ASIC2: variants seen among roughly 807,000 people sequenced by gnomAD.
ASIC2 encodes the protein acid sensing ion channel subunit 2.
ASIC2 carries 25 observed loss-of-function variants against 57.3 expected under a neutral mutation model. The ratio of observed to expected loss-of-function variants is 0.44; its 90% confidence interval spans 0.32 to 0.61. The LOEUF is 0.61. ASIC2 is among the 20% of genes least tolerant of loss of function. ASIC2 has a pLI of 0.06. For missense variants in ASIC2, 641 were observed against 738.1 expected (o/e 0.87, Z 1.52); for synonymous variants, 319 against 307.5 (o/e 1.04, Z -0.39).
chr17:33,333,356 C>T (rs1369707374), intron 1 of ASIC2, among the ~76,000 whole-genome samples: 1 of 152,158 alleles, frequency 6.6e-6, no homozygotes, highest in Admixed American at 6.5e-5. Context: ...TCCAGATGTC[C>T]AGTGTTCATA....
intron 1 of ASIC2, among the ~76,000 whole-genome samples, chr17:33,852,006 G>A (rs1169904834): frequency 2.6e-5 from 4 of 152,204 alleles, no homozygotes; most frequent in African/African-American, 7.2e-5. Context: ...CGGATGAAAG[G>A]GACCATTCCG....
chr17:33,433,620 T>C (rs1282019960), intron 1 of ASIC2, among the ~76,000 whole-genome samples: 1 of 151,952 alleles, frequency 6.6e-6, no homozygotes, highest in African/African-American at 2.4e-5. Flanking sequence ...CGTGGTGGTG[T>C]GTGCCTGTAG....
intron 1 of ASIC2, among the ~76,000 whole-genome samples, chr17:33,863,502 G>C (rs1342181844): frequency 6.6e-6 from 1 of 152,332 alleles, no homozygotes; most frequent in Admixed American, 6.5e-5. Flanking sequence ...GACTCTGGAA[G>C]CATTAAGCAG....
intron 1 of ASIC2, among the ~76,000 whole-genome samples, chr17:33,553,880 T>C (rs1161157093): frequency 6.6e-6 from 1 of 152,214 alleles, no homozygotes; most frequent in Non-Finnish European, 1.5e-5. Flanking sequence ...TGAAGCACTT[T>C]GTAAAGCAGA....
intron 1 of ASIC2, among the ~76,000 whole-genome samples, chr17:33,732,768 G>A (rs1327845386): frequency 6.6e-6 from 1 of 152,132 alleles, no homozygotes; most frequent in Non-Finnish European, 1.5e-5. Flanking sequence ...CTTCTGAGTA[G>A]CTGGGACTAC....
At position 33,411,417 on chromosome 17, in the gene ASIC2, A is replaced by T. The variant is rs536762444; in HGVS notation, c.556-299350T>A. On this transcript the variant is annotated intron_variant, in intron 1 of 9. Transcript: ENST00000359872. ...GCCAGATTTCCAGAACTGGACTGTC[A>T]TTATGTCAATCTGATGTTAATTTAA... Among the ~76,000 whole-genome samples, 3 of 152,224 alleles carry T rather than the reference A, an allele frequency of 2.0e-5. No homozygotes were observed. In the South Asian group the frequency reaches 6.2e-4, roughly 32 times the overall value.
intron 1 of ASIC2, among the ~76,000 whole-genome samples, chr17:33,956,839 C>T (rs1473447611): frequency 2.0e-5 from 3 of 152,224 alleles, no homozygotes; most frequent in Admixed American, 6.5e-5. Flanking sequence ...GATGAGCCTG[C>T]TCCTTTTGGT....
chr17:33,226,526 G>A (rs1288683177), intron 1 of ASIC2, among the ~76,000 whole-genome samples: 5 of 152,178 alleles, frequency 3.3e-5, no homozygotes, highest in African/African-American at 4.8e-5. Flanking sequence ...AAGGAAAAGA[G>A]GTTATGAATG....
chr17:33,997,757 C>A (rs976795557), intron 1 of ASIC2, among the ~76,000 whole-genome samples: 1 of 150,970 alleles, frequency 6.6e-6, no homozygotes, highest in Non-Finnish European at 1.5e-5. Context: ...TTCTGAGGTG[C>A]TGTTGAATTT....
intron 1 of ASIC2, among the ~76,000 whole-genome samples, chr17:34,047,174 C>T (rs999574413): frequency 6.6e-6 from 1 of 152,112 alleles, no homozygotes; most frequent in Non-Finnish European, 1.5e-5. Flanking sequence ...AAACAGAATA[C>T]AGCTCCCATT....
chr17:33,147,310 T>G (rs17248547), intron 1 of ASIC2, among the ~76,000 whole-genome samples: 4,515 of 152,340 alleles, frequency 0.03, 126 homozygotes, highest in East Asian at 0.13. Context: ...AGTAACAGTA[T>G]GTGCATTGTG....
intron 1 of ASIC2, among the ~76,000 whole-genome samples, chr17:33,933,389 A>C (rs1597936743): frequency 6.6e-6 from 1 of 152,340 alleles, no homozygotes; most frequent in East Asian, 1.9e-4. Context: ...TATTCACCGC[A>C]GTGCCTGGCA....
intron 1 of ASIC2, among the ~76,000 whole-genome samples, chr17:34,107,280 T>C (rs1911095924): frequency 6.6e-6 from 1 of 152,092 alleles, no homozygotes; most frequent in African/African-American, 2.4e-5. Flanking sequence ...GGCAGGCAGA[T>C]CACTTGAGTC....
At chr17:34,148,373 G>T (rs1376390682) in intron 1 of ASIC2, among the ~76,000 whole-genome samples, 1 of 152,130 alleles carries the variant, frequency 6.6e-6, no homozygotes, top group Non-Finnish European at 1.5e-5. Flanking sequence ...ACAGCTTAAA[G>T]TTCTAAACTG....
At chr17:34,007,837 C>A (rs148154066) in intron 1 of ASIC2, among the ~76,000 whole-genome samples, 2 of 152,288 alleles carry the variant, frequency 1.3e-5, no homozygotes, top group African/African-American at 4.8e-5. Context: ...GAAGCAGAAA[C>A]GCTTTACAGT....
At chr17:33,715,902 A>G (rs1909204464) in intron 1 of ASIC2, among the ~76,000 whole-genome samples, 1 of 152,158 alleles carries the variant, frequency 6.6e-6, no homozygotes, top group East Asian at 1.9e-4. Flanking sequence ...TGGAGGGCCT[A>G]GAATTCAACA....
chr17:33,674,394 G>A (rs936131603), intron 1 of ASIC2, among the ~76,000 whole-genome samples: 4 of 152,120 alleles, frequency 2.6e-5, no homozygotes, highest in African/African-American at 4.8e-5. Flanking sequence ...GACAATTTTT[G>A]TTGTTTGTTT....
chr17:33,703,889 T>C (rs1293737137), intron 1 of ASIC2, among the ~76,000 whole-genome samples: 3 of 152,184 alleles, frequency 2.0e-5, no homozygotes, highest in Admixed American at 6.5e-5. Flanking sequence ...CCTTTAGCCC[T>C]CAACTCCATC....
intron 1 of ASIC2, among the ~76,000 whole-genome samples, chr17:33,898,928 C>A (rs7218916): frequency 1.3e-5 from 2 of 152,144 alleles, no homozygotes; most frequent in Admixed American, 6.6e-5. Flanking sequence ...AAGTAAGTCA[C>A]ATGTTACTCT....
Sources: gnomAD v4.1 joint callset for allele counts (sites outside exome capture counted in the v4.1 genomes callset) on GRCh38, gnomAD v4.1.1 for gene constraint, MANE v1.5 for transcripts, NCBI Gene and HGNC (gene_info 2026-07-23, HGNC 2026-07-21) for gene names.